Variants in DYSF observed in about 807,000 individuals in gnomAD.
DYSF encodes the protein dystrophy-associated fer-1-like 1.
Under a neutral mutation model 274.9 loss-of-function variants are expected in DYSF, and 212 were observed. That is an observed-to-expected ratio of 0.77 (90% CI 0.69 to 0.86). The LOEUF (loss-of-function observed/expected upper bound fraction) is 0.86. Ranked by LOEUF, DYSF falls within the 40% of genes least tolerant of loss-of-function variation. DYSF has a pLI of 0.00. For missense variants in DYSF, 2,666 were observed against 2,783.2 expected (o/e 0.96, Z 0.95); for synonymous variants, 1,091 against 1,078.7 (o/e 1.01, Z -0.22).
intron 45 of DYSF, among the ~76,000 whole-genome samples, chr2:71,662,694 A>G (rs2094909152): frequency 1.4e-5 from 2 of 141,158 alleles, no homozygotes; most frequent in Admixed American, 1.4e-4. Context: ...TGGTGTGTGT[A>G]TATGTATGTG....
intron 17 of DYSF, among the ~76,000 whole-genome samples, chr2:71,540,836 TC>T (rs1195815647): frequency 6.6e-6 from 1 of 152,032 alleles, no homozygotes; most frequent in African/African-American, 2.4e-5. Flanking sequence ...AGTAAATAAT[TC>T]TTGTTGGCTT....
intron 1 of DYSF, among the ~76,000 whole-genome samples, chr2:71,473,874 C>G (rs1209770659): frequency 6.6e-6 from 1 of 151,994 alleles, no homozygotes; most frequent in East Asian, 1.9e-4. Context: ...TCCCTATTCC[C>G]CTCCCTCACC....
At chr2:71,502,575 C>T (rs988957205) in intron 3 of DYSF, among the ~76,000 whole-genome samples, 1 of 152,180 alleles carries the variant, frequency 6.6e-6, no homozygotes, top group Non-Finnish European at 1.5e-5. Flanking sequence ...CATCGCGCTG[C>T]TGACCTACTC....
chr2:71,465,387 A>C (rs2081468292), upstream of DYSF, among the ~76,000 whole-genome samples: 2 of 152,148 alleles, frequency 1.3e-5, no homozygotes. Flanking sequence ...TGCTCCGTAA[A>C]GAGGAAGCAA....
chr2:71,681,625 G>T (rs2152970688), intron 54 of DYSF, among the ~76,000 whole-genome samples: 1 of 152,302 alleles, frequency 6.6e-6, no homozygotes, highest in Non-Finnish European at 1.5e-5. Flanking sequence ...TTCCATCTGT[G>T]AAATGGGGAG....
chr2:71,466,961 T>G, intron 1 of DYSF, 28 bp downstream of exon 1: 5 of 1,546,600 alleles, frequency 3.2e-6, no homozygotes, highest in Non-Finnish European at 4.4e-6. Context: ...GCCGCGCCCA[T>G]GCTCGGGTGC....
intron 41 of DYSF, among the ~76,000 whole-genome samples, chr2:71,636,745 A>G (rs1375525388): frequency 1.3e-5 from 2 of 152,168 alleles, no homozygotes; most frequent in African/African-American, 4.8e-5. Context: ...GGGAGAACCC[A>G]AGGGAGTGAG....
chr2:71,672,003 A>G (rs949089467), intron 51 of DYSF, among the ~76,000 whole-genome samples: 3 of 152,128 alleles, frequency 2.0e-5, no homozygotes, highest in African/African-American at 7.2e-5. Flanking sequence ...AGAGAGTGGA[A>G]GGAGAGGCTC....
At chr2:71,539,667 C>T (rs2152767647) in intron 17 of DYSF, among the ~76,000 whole-genome samples, 1 of 152,230 alleles carries the variant, frequency 6.6e-6, no homozygotes, top group South Asian at 2.1e-4. Flanking sequence ...CCTGAAATTA[C>T]CCATAAGCCC....
At chr2:71,558,192 A>G (rs1455465346) in intron 22 of DYSF, among the ~76,000 whole-genome samples, 1 of 152,188 alleles carries the variant, frequency 6.6e-6, no homozygotes, top group East Asian at 1.9e-4. Flanking sequence ...TGGGAGCCAC[A>G]GGAGGGTTCA....
At chr2:71,519,473 C>G (rs1204139188) in intron 10 of DYSF, among the ~76,000 whole-genome samples, 3 of 152,192 alleles carry the variant, frequency 2.0e-5, no homozygotes. Context: ...TTCCCATATA[C>G]TCCCTGCCCC....
intron 18 of DYSF, 111 bp downstream of exon 18, chr2:71,551,267 C>T: frequency 1.4e-5 from 15 of 1,068,556 alleles, no homozygotes; most frequent in Non-Finnish European, 2.2e-5. Context: ...CACGACCTGG[C>T]AGCCAACCCC....
chr2:71,510,148 C>A (rs1244649284), intron 4 of DYSF, among the ~76,000 whole-genome samples: 1 of 152,206 alleles, frequency 6.6e-6, no homozygotes, highest in Non-Finnish European at 1.5e-5. Flanking sequence ...ATGGTCCAGG[C>A]TCATCTTGTA....
intron 4 of DYSF, among the ~76,000 whole-genome samples, chr2:71,506,012 G>T (rs1436920525): frequency 6.6e-6 from 1 of 152,126 alleles, no homozygotes; most frequent in Non-Finnish European, 1.5e-5. Flanking sequence ...ATCAGCTCAG[G>T]GCCACAGCTA....
At chr2:71,628,951 C>CAA (rs1553394311) in intron 41 of DYSF, among the ~76,000 whole-genome samples, 13 of 133,450 alleles carry the variant, frequency 9.7e-5, no homozygotes, top group African/African-American at 3.6e-4. Flanking sequence ...GACCCTGTTG[C>CAA]AAAAAAAAAA....
At chr2:71,674,905 G>T (rs1379051716) in intron 52 of DYSF, among the ~76,000 whole-genome samples, 1 of 152,164 alleles carries the variant, frequency 6.6e-6, no homozygotes, top group Admixed American at 6.5e-5. Flanking sequence ...GTTCAAGATA[G>T]CCCTGTCATG....
chr2:71,556,109 T>C, intron 22 of DYSF, 38 bp downstream of exon 22: 2 of 1,503,280 alleles, frequency 1.3e-6, no homozygotes, highest in South Asian at 2.4e-5. Flanking sequence ...CCACCTCTCC[T>C]GGCTCAACTG....
chr2:71,602,691 G>A lies in DYSF; in HGVS notation c.3928-85G>A. 3 of 1,475,668 alleles carry A rather than the reference G, an allele frequency of 2.0e-6. No individual in the cohort carries two copies. The South Asian group carries it at 3.6e-5, about 18-fold the overall frequency. The allele number at this position is 1,475,668 out of a possible 1,614,324, so 91.4% of individuals were successfully genotyped here. A position where few individuals can be genotyped will look rare whatever the true frequency, so the allele number is the denominator to read the frequency against. ...GCTGACCTCTGGCCCCGCCTAGTGC[G>A]CCTTGATACTAATAGAGAACTTTTT... On this transcript the variant is annotated intron_variant, in intron 35 of 55. Transcript: ENST00000410020.
At chr2:71,659,455 G>C (rs1286447170) in intron 44 of DYSF, among the ~76,000 whole-genome samples, 7 of 152,198 alleles carry the variant, frequency 4.6e-5, no homozygotes, top group Admixed American at 1.3e-4. Context: ...ATGGTTAATG[G>C]GGAGGAGTGA....
Sources: gnomAD v4.1 joint callset for allele counts (sites outside exome capture counted in the v4.1 genomes callset) on GRCh38, gnomAD v4.1.1 for gene constraint, MANE v1.5 for transcripts, NCBI Gene and HGNC (gene_info 2026-07-23, HGNC 2026-07-21) for gene names.